Variants in JAZF1 observed in about 807,000 individuals in gnomAD.
JAZF1 encodes JAZF zinc finger 1, also known as juxtaposed with another zinc finger protein 1.
A neutral mutation model predicts 26.4 loss-of-function variants in JAZF1; 8 were observed. That is an observed-to-expected ratio of 0.30 (90% CI 0.18 to 0.55). The LOEUF is 0.55. JAZF1 is among the 20% of genes least tolerant of loss of function. The pLI is 0.94. For synonymous variants in JAZF1, 126 were observed against 122.3 expected, an observed-to-expected ratio of 1.03 and a Z score of -0.20; for missense variants, 199 against 322.0, an observed-to-expected ratio of 0.62 and a Z score of 2.92.
chr7:28,129,419 G>A lies in JAZF1; in HGVS notation c.115+51044C>T, dbSNP rs570532148. ...ATAAGAATGGAGATTTCTGGGGCCC[G>A]AACATTGTTGATTCATTTGGTGTGA... On this transcript the variant is annotated intron_variant, in intron 1 of 4. Transcript: ENST00000283928. Among the ~76,000 whole-genome samples the A allele has an allele frequency of 5.3e-5, 8 of 152,052 alleles. No individual in the cohort carries two copies. In the South Asian group the frequency reaches 8.3e-4, roughly 16 times the overall value.
At chr7:28,106,411 CAT>C (rs926900254) in intron 1 of JAZF1, among the ~76,000 whole-genome samples, 17 of 152,304 alleles carry the variant, frequency 1.1e-4, no homozygotes, top group Admixed American at 3.3e-4. Flanking sequence ...CCAATTACCA[CAT>C]GTCATCATTT....
intron 1 of JAZF1, among the ~76,000 whole-genome samples, chr7:28,168,300 T>C (rs1005585642): frequency 1.1e-4 from 16 of 144,240 alleles, no homozygotes; most frequent in African/African-American, 4.2e-4. Flanking sequence ...GAGAATGGTG[T>C]GAACCCAGGA....
At chr7:28,162,805 G>A (rs1783313048) in intron 1 of JAZF1, among the ~76,000 whole-genome samples, 1 of 152,152 alleles carries the variant, frequency 6.6e-6, no homozygotes, top group African/African-American at 2.4e-5. Flanking sequence ...CATTCCTATG[G>A]CTTCAGGAGT....
intron 1 of JAZF1, among the ~76,000 whole-genome samples, chr7:28,156,784 G>C (rs772345844): frequency 1.1e-4 from 16 of 152,106 alleles, no homozygotes; most frequent in Non-Finnish European, 2.2e-4. Context: ...TGCTCTATAA[G>C]CAAGAGTACG....
At chr7:28,171,825 T>C (rs1476961451) in intron 1 of JAZF1, among the ~76,000 whole-genome samples, 2 of 152,224 alleles carry the variant, frequency 1.3e-5, no homozygotes, top group African/African-American at 2.4e-5. Flanking sequence ...AATGAAATAC[T>C]ATACAAAAAT....
At chr7:27,909,284 C>A (rs1784318244) in intron 2 of JAZF1, among the ~76,000 whole-genome samples, 1 of 146,146 alleles carries the variant, frequency 6.8e-6, no homozygotes, top group South Asian at 2.1e-4. Flanking sequence ...AAGGTTAACC[C>A]AATTAGTCTG....
intron 3 of JAZF1, among the ~76,000 whole-genome samples, chr7:27,887,222 C>T (rs988275349): frequency 2.6e-5 from 4 of 151,548 alleles, no homozygotes; most frequent in Non-Finnish European, 4.4e-5. Context: ...AATAAACCCC[C>T]ATGACACAAG....
chr7:27,928,496 A>G (rs1211139581), intron 2 of JAZF1, among the ~76,000 whole-genome samples: 1 of 152,240 alleles, frequency 6.6e-6, no homozygotes, highest in Non-Finnish European at 1.5e-5. Context: ...ACAATTCTTA[A>G]AAGCTTGCTT....
intron 2 of JAZF1, among the ~76,000 whole-genome samples, chr7:27,974,605 T>C (rs550036034): frequency 3.9e-5 from 6 of 152,170 alleles, no homozygotes; most frequent in Non-Finnish European, 4.4e-5. Context: ...TACTTTTATG[T>C]AGGAATTCTC....
chr7:28,117,525 G>A (rs937903039), intron 1 of JAZF1, among the ~76,000 whole-genome samples: 1 of 152,114 alleles, frequency 6.6e-6, no homozygotes, highest in African/African-American at 2.4e-5. Context: ...TCAGGTTGGA[G>A]TTTATCTGAA....
intron 1 of JAZF1, among the ~76,000 whole-genome samples, chr7:28,133,215 T>C (rs1469585197): frequency 1.3e-5 from 2 of 152,242 alleles, no homozygotes; most frequent in Non-Finnish European, 2.9e-5. Context: ...ATTATGCACA[T>C]TATGAATCAG....
chr7:27,992,066 G>C (rs1301182186), intron 1 of JAZF1, 85 bp from the exon 2 acceptor site: 1 of 837,556 alleles, frequency 1.2e-6, no homozygotes, highest in South Asian at 1.4e-5. Flanking sequence ...CAGAGGCTAA[G>C]CAGAGAAAAA....
chr7:27,940,494 C>T lies in JAZF1; in HGVS notation c.189-45078G>A, dbSNP rs565051768. 5.1e-4 allele frequency among the ~76,000 whole-genome samples: 78 copies of T among 152,304 alleles called. 1 individual carries two copies. The South Asian group carries it at 0.01, about 20-fold the overall frequency. On this transcript the variant is annotated intron_variant, in intron 2 of 4. Coordinates refer to ENST00000283928, the MANE Select transcript of JAZF1 (RefSeq NM_175061.4). ...AGATGCCGTCTCAGCAGTCAGCCCG[C>T]ATGGTTTCACAGAGAACGACTACAG...
intron 1 of JAZF1, among the ~76,000 whole-genome samples, chr7:28,030,483 T>C (rs1044361262): frequency 2.6e-5 from 4 of 152,196 alleles, no homozygotes; most frequent in African/African-American, 9.7e-5. Context: ...CAGGTAAACC[T>C]CCATGGTAAA....
chr7:27,940,314 C>T (rs1385889692), intron 2 of JAZF1, among the ~76,000 whole-genome samples: 1 of 152,062 alleles, frequency 6.6e-6, no homozygotes, highest in Non-Finnish European at 1.5e-5. Context: ...GTGCTCTCCC[C>T]GCCACCCCCC....
At chr7:28,031,614 T>C (rs552453626) in intron 1 of JAZF1, among the ~76,000 whole-genome samples, 3 of 152,176 alleles carry the variant, frequency 2.0e-5, no homozygotes, top group Admixed American at 6.5e-5. Context: ...GCTTCTTTCA[T>C]TATTCTCAGC....
rs1257874115 is a variant in JAZF1, at chr7:28,180,626, G to T, written c.-49C>A. ...GGTGTCGGCTCTGCGAGCGCCGGGC[G>T]GGCGAGGGAGGGAGGGAGGCCGGGT... On this transcript the variant is annotated 5_prime_UTR_variant, in exon 1 of 5. Coordinates refer to ENST00000283928, the MANE Select transcript of JAZF1 (RefSeq NM_175061.4). 1 of 1,476,166 alleles carries T rather than the reference G, an allele frequency of 6.8e-7. No individual in the cohort carries two copies. The highest frequency in any genetic ancestry group is 1.4e-5 in the African/African-American group (1 of 71,152). The allele number at this position is 1,476,166 out of a possible 1,614,324, so 91.4% of individuals were successfully genotyped here. A position where few individuals can be genotyped will look rare whatever the true frequency, so the allele number is the denominator to read the frequency against.
chr7:27,940,285 G>T (rs541004857), intron 2 of JAZF1, among the ~76,000 whole-genome samples: 2 of 50,232 alleles, frequency 4.0e-5, no homozygotes, highest in South Asian at 1.1e-3. Flanking sequence ...GCCGGGTCAC[G>T]GCGGTGTGGT....
chr7:27,981,214 C>T (rs1785577931), intron 2 of JAZF1, among the ~76,000 whole-genome samples: 1 of 152,140 alleles, frequency 6.6e-6, no homozygotes, highest in Admixed American at 6.5e-5. Context: ...ATGAGGTGCC[C>T]AGTTCAAGAC....
Sources: allele counts gnomAD v4.1 joint callset (sites outside exome capture counted in the v4.1 genomes callset), GRCh38; gene constraint gnomAD v4.1.1; transcripts MANE v1.5; gene names NCBI Gene and HGNC (gene_info 2026-07-23, HGNC 2026-07-21).